The following LXN variants were observed in gnomAD, a reference collection of about 807,000 sequenced individuals.
LXN encodes latexin, also known as MUM.
A neutral mutation model predicts 29.8 loss-of-function variants in LXN; 28 were observed. The observed-to-expected ratio is 0.94, with a 90% CI of 0.70 to 1.29. The LOEUF (loss-of-function observed/expected upper bound fraction) is 1.29. Among genes scored for constraint, LXN ranks in the 50% most tolerant of loss-of-function variants. The pLI, the probability that LXN is intolerant of heterozygous loss-of-function variation, is 0.00. For synonymous variants in LXN, 77 were observed against 89.6 expected (o/e 0.86, Z 0.80); for missense variants, 227 against 261.7 (o/e 0.87, Z 0.92).
At position 158,671,029 on chromosome 3, in the gene LXN, A is replaced by G. The variant is rs773749672; in HGVS notation, c.130-10T>C. ...CTCTTCCTGGAATATCCTAAAATTA[A>G]GAAAATGTAGTGGAGACAAGAAAAT... On this transcript the variant is annotated splice_polypyrimidine_tract_variant and intron_variant, in intron 1 of 5. Transcript: ENST00000264265. The G allele has an allele frequency of 6.6e-7, 1 of 1,520,016 alleles. No homozygotes were observed. The highest frequency in any genetic ancestry group is 8.8e-7 in the Non-Finnish European group (1 of 1,137,270). 94.2% of individuals were successfully genotyped at this position (1,520,016 alleles called of 1,614,324 possible).
At chr3:158,668,967 T>C in intron 4 of LXN, 29 bp downstream of exon 4, 2 of 1,552,152 alleles carry the variant, frequency 1.3e-6, no homozygotes, top group Non-Finnish European at 1.8e-6. Flanking sequence ...TTAACCCCAT[T>C]AATAGTGTAT....
Position 158,672,619 on chromosome 3 carries a change from A to G in LXN, c.-141T>C, listed in dbSNP as rs1345673270. ...GCTCCTTCAGTCAGTCTTCTTCCTC[A>G]GCTCCTTCCGACTCCGGAAGCTGCT... On this transcript the variant is annotated 5_prime_UTR_variant, in exon 1 of 6. Coordinates refer to ENST00000264265, the MANE Select transcript of LXN (RefSeq NM_020169.4). 2 of 980,246 alleles carry G rather than the reference A, an allele frequency of 2.0e-6. No individual in the cohort carries two copies. The highest frequency in any genetic ancestry group is 3.0e-6 in the Non-Finnish European group (2 of 673,324). 60.7% of individuals were successfully genotyped at this position (980,246 alleles called of 1,614,324 possible).
rs1399504119 is a variant in LXN, at chr3:158,672,640, C to T, written c.-162G>A. ...CCTCAGCTCCTTCCGACTCCGGAAG[C>T]TGCTGTTTGGGCCCAGGCTCCCTGC... On this transcript the variant is annotated 5_prime_UTR_variant, in exon 1 of 6. Coordinates refer to ENST00000264265, the MANE Select transcript of LXN (RefSeq NM_020169.4). The T allele has an allele frequency of 1.2e-5, 10 of 808,020 alleles. No individual in the cohort carries two copies. Among genetic ancestry groups the T allele is most frequent in the Non-Finnish European group, 1.9e-5 (10 of 532,438 alleles). 50.1% of individuals were successfully genotyped at this position (808,020 alleles called of 1,614,324 possible). A position where few individuals can be genotyped will look rare whatever the true frequency, so the allele number is the denominator to read the frequency against.
At chr3:158,669,665 TATC>T in intron 2 of LXN, 55 bp from the exon 3 acceptor site, 1 of 1,494,502 alleles carries the variant, frequency 6.7e-7, no homozygotes, top group Non-Finnish European at 9.2e-7. Flanking sequence ...CATTATTAAT[TATC>T]ATCTTTGAGA....
Position 158,669,605 on chromosome 3 carries a change from A to C in LXN, c.198T>G (p.Val66=). The C allele has an allele frequency of 6.2e-7, 1 of 1,613,198 alleles. No homozygotes were observed. The highest frequency in any genetic ancestry group is 8.5e-7 in the Non-Finnish European group (1 of 1,179,778). The change falls in exon 3 of 6, where the codon GTT becomes GTG. Residue 66 remains valine, a synonymous_variant. Transcript: ENST00000264265. ...GTACTTCAGCTGTGCAGTTCACCTTAACTTGCTGTTTGAAATTTAGCAAAA... is the reference window on the plus strand; with the variant it reads ...GTACTTCAGCTGTGCAGTTCACCTTCACTTGCTGTTTGAAATTTAGCAAAA... ...FAVEEIIQKQ[V]KVNCTAEVLY... is the part of the protein sequence containing the mutation.
chr3:158,671,505 G>A (rs573543430), intron 1 of LXN, among the ~76,000 whole-genome samples: 1 of 152,312 alleles, frequency 6.6e-6, no homozygotes, highest in South Asian at 2.1e-4. Flanking sequence ...ATACATTAGT[G>A]AAACTGCAAA....
intron 1 of LXN, 152 bp from the exon 2 acceptor site, chr3:158,671,171 G>C (rs1156369473): frequency 1.1e-5 from 13 of 1,154,206 alleles, no homozygotes; most frequent in Non-Finnish European, 1.3e-5. Context: ...CACCATGAAT[G>C]TAACATCTAA....
In LXN at chr3:158,672,583, A is replaced by G. The variant is rs1724452145; in HGVS notation, c.-105T>C. The G allele has an allele frequency of 3.5e-6, 5 of 1,415,296 alleles. No homozygotes were observed. The South Asian group carries it at 4.9e-5, about 14-fold the overall frequency. The allele number at this position is 1,415,296 out of a possible 1,614,324, so 87.7% of individuals were successfully genotyped here. On this transcript the variant is annotated 5_prime_UTR_variant, in exon 1 of 6. Coordinates refer to ENST00000264265, the MANE Select transcript of LXN (RefSeq NM_020169.4). The stretch of plus-strand genomic sequence containing the variant: ...CTGCTGGGTCCGGTTGCCGAGGCGG[A>G]AAAGTCGCAAGCTCCTTCAGTCAGT...
At chr3:158,667,184 GTAAAAA>G (rs1723792015) in intron 4 of LXN, 110 bp from the exon 5 acceptor site, 1 of 1,180,002 alleles carries the variant, frequency 8.5e-7, no homozygotes, top group Non-Finnish European at 1.1e-6. Context: ...TTCCATTTAG[GTAAAAA>G]TAAAAATTGA....
In LXN at chr3:158,666,562, T is replaced by G. The variant is rs1047115696; in HGVS notation, c.*84A>C. 6.9e-6 allele frequency: 9 copies of G among 1,295,862 alleles called. No homozygotes were observed. The highest frequency in any genetic ancestry group is 1.0e-5 in the Non-Finnish European group (9 of 896,104). 80.3% of individuals were successfully genotyped at this position (1,295,862 alleles called of 1,614,324 possible). A position where few individuals can be genotyped will look rare whatever the true frequency, so the allele number is the denominator to read the frequency against. Reference sequence around the variant, plus strand: ...TTTATATAAAGTGACACTTTGGGATTATTTGGCCTCATAAGCTAGATGCCA... The same window carrying G: ...TTTATATAAAGTGACACTTTGGGATGATTTGGCCTCATAAGCTAGATGCCA... On this transcript the variant is annotated 3_prime_UTR_variant, in exon 6 of 6. Transcript: ENST00000264265.
Position 158,667,048 on chromosome 3 carries a change from T to C in LXN, c.534A>G (p.Leu178=). Residue 178 remains leucine, a synonymous_variant, in exon 5 of 6, where the codon TTA becomes TTG. Coordinates refer to ENST00000264265, the MANE Select transcript of LXN (RefSeq NM_020169.4). ...QVQRNDDFIE[L]DYTILLHNIA... ...TATTATGAAGTAGAATGGTGTAGTC[T>C]AATTCAATAAAGTCATCATTTCTTT... 6.3e-7 allele frequency: 1 copy of C among 1,594,384 alleles called. No individual in the cohort carries two copies. Among genetic ancestry groups the C allele is most frequent in the Non-Finnish European group, 8.5e-7 (1 of 1,174,090 alleles).
At chr3:158,669,979 T>C (rs1462133592) in intron 2 of LXN, among the ~76,000 whole-genome samples, 1 of 152,210 alleles carries the variant, frequency 6.6e-6, no homozygotes, top group African/African-American at 2.4e-5. Flanking sequence ...CTCTTACTCT[T>C]TGCTCCTGAA....
chr3:158,672,514 C>G lies in LXN; in HGVS notation c.-36G>C. ...CAGTGACTTCAGGGCTTGGGCTACT[C>G]TGGCTTAACGGGACCAGTAGCAGAG... On this transcript the variant is annotated 5_prime_UTR_variant, in exon 1 of 6. Coordinates refer to ENST00000264265, the MANE Select transcript of LXN (RefSeq NM_020169.4). The G allele has an allele frequency of 6.2e-7, 1 of 1,612,124 alleles. No individual in the cohort carries two copies.
At chr3:158,672,211 G>T in intron 1 of LXN, 139 bp downstream of exon 1, 1 of 1,046,608 alleles carries the variant, frequency 9.6e-7, no homozygotes. Flanking sequence ...CTCAAGACCA[G>T]ATACCAGCAG....
rs147857480 is a variant in LXN, at chr3:158,669,566, C to T, written c.237G>A (p.Thr79=). The change falls in exon 3 of 6, where the codon ACG becomes ACA. Residue 79 remains threonine (T), a synonymous_variant. Coordinates refer to ENST00000264265, the MANE Select transcript of LXN (RefSeq NM_020169.4). ...NCTAEVLYPS[T]GQETAPEVNF... ...TGACTTCTGGTGCAGTTTCTTGTCC[C>T]GTTGAAGGGTAAAGTACTTCAGCTG... 33 of 1,613,826 alleles carry T rather than the reference C, an allele frequency of 2.0e-5. No homozygotes were observed. The highest frequency in any genetic ancestry group is 1.5e-4 in the African/African-American group (11 of 74,896).
In LXN at chr3:158,672,645, G is replaced by A. The variant is rs927635761; in HGVS notation, c.-167C>T. 1.2e-5 allele frequency: 9 copies of A among 758,184 alleles called. No individual in the cohort carries two copies. Among genetic ancestry groups the A allele is most frequent in the African/African-American group, 8.8e-5 (5 of 56,638 alleles). The allele number at this position is 758,184 out of a possible 1,614,324, so 47.0% of individuals were successfully genotyped here. ...GCTCCTTCCGACTCCGGAAGCTGCT[G>A]TTTGGGCCCAGGCTCCCTGCATCCG... On this transcript the variant is annotated 5_prime_UTR_variant, in exon 1 of 6. Coordinates refer to ENST00000264265, the MANE Select transcript of LXN (RefSeq NM_020169.4).
At chr3:158,668,922 A>G in intron 4 of LXN, 74 bp downstream of exon 4, 10 of 1,336,196 alleles carry the variant, frequency 7.5e-6, no homozygotes, top group Non-Finnish European at 1.0e-5. Flanking sequence ...GAATACTGTT[A>G]ATCCAATTAT....
chr3:158,668,386 C>T (rs930460954), intron 4 of LXN, among the ~76,000 whole-genome samples: 2 of 151,832 alleles, frequency 1.3e-5, no homozygotes, highest in African/African-American at 4.8e-5. Flanking sequence ...CCATTTTTTT[C>T]CCCCAAATAT....
intron 1 of LXN, 120 bp downstream of exon 1, chr3:158,672,229 TA>T: frequency 7.7e-7 from 1 of 1,295,084 alleles, no homozygotes; most frequent in Non-Finnish European, 1.1e-6. Context: ...CAGTGTGTCC[TA>T]AAACAGAAGG....
Sources: allele counts gnomAD v4.1 joint callset (sites outside exome capture counted in the v4.1 genomes callset), GRCh38; gene constraint gnomAD v4.1.1; transcripts MANE v1.5; gene names NCBI Gene and HGNC (gene_info 2026-07-23, HGNC 2026-07-21).